VPS13B: variants seen among roughly 807,000 people sequenced by gnomAD.
VPS13B encodes intermembrane lipid transfer protein VPS13B.
VPS13B carries 285 observed loss-of-function variants against 426.4 expected under a neutral mutation model. That is an observed-to-expected ratio of 0.67 (90% confidence interval 0.61 to 0.74). VPS13B has a LOEUF of 0.74. VPS13B is among the 30% of genes least tolerant of loss of function. The pLI is 0.00. For missense variants in VPS13B, 4,537 were observed against 4,782.6 expected (o/e 0.95, Z 1.51); for synonymous variants, 1,676 against 1,676.4 (o/e 1.00, Z 0.01).
intron 21 of VPS13B, among the ~76,000 whole-genome samples, chr8:99,399,481 CTTCAT>C (rs753637452): frequency 6.6e-6 from 1 of 151,958 alleles, no homozygotes; most frequent in Non-Finnish European, 1.5e-5. Context: ...TAGCCGTAGA[CTTCAT>C]TTCCTTAACT....
chr8:99,686,248 G>A (rs1263298801), intron 35 of VPS13B, among the ~76,000 whole-genome samples: 1 of 152,180 alleles, frequency 6.6e-6, no homozygotes, highest in African/African-American at 2.4e-5. Flanking sequence ...TGGAGCTGGG[G>A]CTAAGGAAGG....
At chr8:99,757,881 A>T (rs951277751) in intron 39 of VPS13B, among the ~76,000 whole-genome samples, 3 of 152,234 alleles carry the variant, frequency 2.0e-5, no homozygotes, top group African/African-American at 7.2e-5. Context: ...GTAATAAAAA[A>T]ATATATAATC....
At chr8:99,365,022 A>G (rs1160652982) in intron 19 of VPS13B, among the ~76,000 whole-genome samples, 1 of 152,150 alleles carries the variant, frequency 6.6e-6, no homozygotes, top group African/African-American at 2.4e-5. Context: ...ACATGTAACA[A>G]GGAATTTATC....
At chr8:99,418,523 T>C (rs868474367) in intron 21 of VPS13B, among the ~76,000 whole-genome samples, 5 of 142,022 alleles carry the variant, frequency 3.5e-5, no homozygotes, top group Middle Eastern at 3.5e-3. Context: ...TTCCTTTCTT[T>C]CTTTCTCTTT....
chr8:99,374,685 T>C (rs1813384079), intron 19 of VPS13B, among the ~76,000 whole-genome samples: 1 of 152,222 alleles, frequency 6.6e-6, no homozygotes, highest in Admixed American at 6.5e-5. Flanking sequence ...GTCATGATAT[T>C]AGTATAGTTC....
At chr8:99,278,245 G>A (rs1818995406) in intron 19 of VPS13B, among the ~76,000 whole-genome samples, 1 of 152,128 alleles carries the variant, frequency 6.6e-6, no homozygotes, top group African/African-American at 2.4e-5. Context: ...ACCAGCAAAT[G>A]TTGCAGATGT....
Position 99,824,830 on chromosome 8 carries a change from T to C in VPS13B, c.9330+852T>C, listed in dbSNP as rs537689880. Among the ~76,000 whole-genome samples the C allele has an allele frequency of 3.9e-5, 6 of 152,276 alleles. No homozygotes were observed. The South Asian group carries it at 1.2e-3, about 32-fold the overall frequency. On this transcript the variant is annotated intron_variant, in intron 51 of 61. Coordinates refer to ENST00000357162, the MANE Select transcript of VPS13B (RefSeq NM_152564.5). Reference sequence around the variant, plus strand: ...CTTATGAGTGAGAACATGTGGTGTTTGGTTTTCTGTTCCTGTGTTAGTTTG... The same window carrying C: ...CTTATGAGTGAGAACATGTGGTGTTCGGTTTTCTGTTCCTGTGTTAGTTTG...
intron 35 of VPS13B, among the ~76,000 whole-genome samples, chr8:99,693,213 G>A (rs1184237775): frequency 6.6e-6 from 1 of 151,164 alleles, no homozygotes; most frequent in African/African-American, 2.4e-5. Context: ...ACATCATTCT[G>A]ATACCAAAGC....
At position 99,575,797 on chromosome 8, in the gene VPS13B, T is replaced by C; in HGVS notation, c.5076+13T>C. The C allele has an allele frequency of 6.2e-7, 1 of 1,612,084 alleles. No homozygotes were observed. Among genetic ancestry groups the C allele is most frequent in the East Asian group, 2.2e-5 (1 of 44,800 alleles). On this transcript the variant is annotated intron_variant, in intron 32 of 61. Coordinates refer to ENST00000357162, the MANE Select transcript of VPS13B (RefSeq NM_152564.5). ...TTTGCATACTGAGGTTAGAACATAA[T>C]TTTGATTTTATTTTAGTCTAAATAA...
chr8:99,748,598 CAG>C (rs2130525353), intron 39 of VPS13B, among the ~76,000 whole-genome samples: 1 of 152,066 alleles, frequency 6.6e-6, no homozygotes, highest in East Asian at 1.9e-4. Context: ...TTTGACATGA[CAG>C]ACAGTAGGAA....
rs559590419 is a variant in VPS13B at position 99,507,798 on chromosome 8, C to T, written c.4224+595C>T. 9 of 1,613,866 alleles carry T rather than the reference C, an allele frequency of 5.6e-6. No individual in the cohort carries two copies. In the South Asian group the frequency reaches 6.6e-5, roughly 12 times the overall value. ...TGGGGAAGAGTGTTGGTCTTTGGGG[C>T]AATGTGGAGGTGTCTTCCTTTCCTG... is the stretch of plus-strand genomic sequence containing the variant. On this transcript the variant is annotated intron_variant, in intron 28 of 61. Coordinates refer to ENST00000357162, the MANE Select transcript of VPS13B (RefSeq NM_152564.5).
At chr8:99,450,628 G>A (rs1051407489) in intron 23 of VPS13B, among the ~76,000 whole-genome samples, 1 of 152,106 alleles carries the variant, frequency 6.6e-6, no homozygotes. Context: ...CAGGAGAATC[G>A]CTTGAACCTG....
chr8:99,412,711 C>A (rs1449614002), intron 21 of VPS13B, among the ~76,000 whole-genome samples: 3 of 152,090 alleles, frequency 2.0e-5, no homozygotes, highest in African/African-American at 7.2e-5. Context: ...GTGGGTTTGT[C>A]ATAAATAGCT....
At chr8:99,606,727 C>A (rs1827612015) in intron 33 of VPS13B, among the ~76,000 whole-genome samples, 1 of 149,206 alleles carries the variant, frequency 6.7e-6, no homozygotes, top group Non-Finnish European at 1.5e-5. Context: ...CTCCCAGATT[C>A]AAGCGATTCT....
chr8:99,332,325 C>T (rs1443153599), intron 19 of VPS13B, among the ~76,000 whole-genome samples: 2 of 151,496 alleles, frequency 1.3e-5, no homozygotes, highest in Non-Finnish European at 3.0e-5. Flanking sequence ...TAACAAGTCC[C>T]AAACATTTGC....
intron 37 of VPS13B, among the ~76,000 whole-genome samples, chr8:99,718,373 T>C (rs1181422509): frequency 6.6e-6 from 1 of 152,180 alleles, no homozygotes; most frequent in Non-Finnish European, 1.5e-5. Context: ...AAGAACAATT[T>C]CCTAATATTA....
intron 33 of VPS13B, among the ~76,000 whole-genome samples, chr8:99,641,147 A>G (rs1035909450): frequency 6.6e-6 from 1 of 152,196 alleles, no homozygotes; most frequent in African/African-American, 2.4e-5. Context: ...GCACAAAGGA[A>G]TAATCTACCC....
intron 43 of VPS13B, among the ~76,000 whole-genome samples, chr8:99,791,256 G>A (rs1812522353): frequency 6.6e-6 from 1 of 152,096 alleles, no homozygotes. Flanking sequence ...TGTAGGGATG[G>A]CCAACTTTCA....
At chr8:99,341,765 G>A in intron 19 of VPS13B, 1 of 392,590 alleles carries the variant, frequency 2.5e-6, no homozygotes, top group Non-Finnish European at 5.2e-6. Flanking sequence ...CAGCAATCTG[G>A]GTCAAACCCC....
Sources: gnomAD v4.1 joint callset for allele counts (sites outside exome capture counted in the v4.1 genomes callset) on GRCh38, gnomAD v4.1.1 for gene constraint, MANE v1.5 for transcripts, NCBI Gene and HGNC (gene_info 2026-07-23, HGNC 2026-07-21) for gene names.